Variants in HLCS observed in about 807,000 individuals in gnomAD.
HLCS encodes holocarboxylase synthetase, also known as biotin--protein ligase.
In HLCS, 53 loss-of-function variants were observed where a neutral mutation model predicts 75.0. The ratio of observed to expected loss-of-function variants is 0.71; its 90% CI spans 0.57 to 0.89. HLCS has a LOEUF of 0.89. Ranked by LOEUF, HLCS falls within the 40% of genes least tolerant of loss-of-function variation. HLCS has a pLI of 0.00. For missense variants in HLCS, 966 were observed against 1,074.0 expected, an observed-to-expected ratio of 0.90 and a Z score of 1.41; for synonymous variants, 431 against 428.6, an observed-to-expected ratio of 1.01 and a Z score of -0.07.
At chr21:36,897,688 G>C (rs977172207) in intron 5 of HLCS, among the ~76,000 whole-genome samples, 5 of 152,174 alleles carry the variant, frequency 3.3e-5, no homozygotes, top group African/African-American at 1.2e-4. Flanking sequence ...TCTTCACAAA[G>C]GGAAAGTGGG....
At chr21:36,955,672 C>T (rs2067902429) in intron 2 of HLCS, among the ~76,000 whole-genome samples, 1 of 152,030 alleles carries the variant, frequency 6.6e-6, no homozygotes, top group African/African-American at 2.4e-5. Flanking sequence ...AAGAAGAAGG[C>T]TGTTATAAAT....
chr21:36,862,210 T>C (rs546579553), intron 6 of HLCS, among the ~76,000 whole-genome samples: 115 of 152,336 alleles, frequency 7.5e-4, no homozygotes, highest in African/African-American at 2.6e-3. Flanking sequence ...ACATTTGGGT[T>C]GTTCCCACCT....
At position 36,748,862 on chromosome 21, in the gene HLCS, A is replaced by G. The variant is rs1236758623; in HGVS notation, c.*5384T>C. 6.6e-6 allele frequency: 1 copy of G among 152,642 alleles called. No individual in the cohort carries two copies. The highest frequency in any genetic ancestry group is 1.5e-5 in the Non-Finnish European group (1 of 68,052). The allele number at this position is 152,642 out of a possible 1,614,324, so 9.5% of individuals were successfully genotyped here. On this transcript the variant is annotated 3_prime_UTR_variant, in exon 11 of 11. Transcript: ENST00000674895. ...TGCAAAAATATATATGTAGCCAGAC[A>G]GTTTATGAGAATGACCCTGTCAAGC...
chr21:36,912,304 A>G (rs1163470334), intron 5 of HLCS, among the ~76,000 whole-genome samples: 2 of 152,188 alleles, frequency 1.3e-5, no homozygotes, highest in East Asian at 1.9e-4. Context: ...AGCCAAAAAA[A>G]AAAAACAAGG....
chr21:36,800,157 C>A (rs1197108835), intron 6 of HLCS, among the ~76,000 whole-genome samples: 1 of 152,072 alleles, frequency 6.6e-6, no homozygotes, highest in Non-Finnish European at 1.5e-5. Flanking sequence ...CCAGCTTGAC[C>A]CCACCACTCC....
intron 6 of HLCS, chr21:36,804,139 C>G (rs1047439444): frequency 3.9e-5 from 6 of 152,540 alleles, no homozygotes; most frequent in Admixed American, 3.3e-4. Context: ...CTTCCCCGGC[C>G]TGCATCCAGC....
At chr21:36,856,652 G>A (rs987453420) in intron 6 of HLCS, among the ~76,000 whole-genome samples, 1 of 151,832 alleles carries the variant, frequency 6.6e-6, no homozygotes, top group Non-Finnish European at 1.5e-5. Flanking sequence ...AGGTAACACA[G>A]TCCCCCCAGC....
intron 1 of HLCS, among the ~76,000 whole-genome samples, chr21:36,989,881 A>G (rs2069312727): frequency 6.6e-6 from 1 of 151,914 alleles, no homozygotes. Flanking sequence ...AGCCGGGCCG[A>G]GCCAGCCCGG....
At chr21:36,915,607 C>T (rs985921622) in intron 5 of HLCS, among the ~76,000 whole-genome samples, 2 of 152,194 alleles carry the variant, frequency 1.3e-5, no homozygotes, top group African/African-American at 2.4e-5. Flanking sequence ...TAAGAAGCTC[C>T]GGCTCAGAAG....
chr21:36,920,643 C>A (rs1051064800), intron 5 of HLCS, among the ~76,000 whole-genome samples: 1 of 151,982 alleles, frequency 6.6e-6, no homozygotes, highest in South Asian at 2.1e-4. Context: ...AATGTATACA[C>A]CTACTATGTA....
intron 6 of HLCS, among the ~76,000 whole-genome samples, chr21:36,790,639 C>T (rs767807324): frequency 7.2e-5 from 11 of 152,186 alleles, no homozygotes; most frequent in Non-Finnish European, 1.5e-4. Context: ...GCTGCCTTTC[C>T]CACGATCTTA....
rs185399084 is a variant in HLCS, at chr21:36,762,383, C to T, written c.2122-2542G>A. 2.0e-4 allele frequency among the ~76,000 whole-genome samples: 31 copies of T among 151,824 alleles called. No homozygotes were observed. In the South Asian group the frequency reaches 6.3e-3, roughly 31 times the overall value. ...GGGGTGTGTGGGTGGAGGGAGGGTG[C>T]GGGGCCCGGGGGGACTTCATGGACA... On this transcript the variant is annotated intron_variant, in intron 8 of 10. Transcript: ENST00000674895.
intron 6 of HLCS, among the ~76,000 whole-genome samples, chr21:36,888,131 C>A (rs925434695): frequency 2.6e-5 from 4 of 152,018 alleles, no homozygotes; most frequent in African/African-American, 7.2e-5. Flanking sequence ...GAAATGTAGA[C>A]AAAGACCCCT....
chr21:36,971,005 AAG>A (rs66521663), upstream of HLCS, among the ~76,000 whole-genome samples: 42,681 of 141,692 alleles, frequency 0.3, 7,582 homozygotes, highest in South Asian at 0.49. Flanking sequence ...AAAAAAAAAA[AAG>A]AAAGAAAAGA....
At position 36,944,886 on chromosome 21, in the gene HLCS, G is replaced by C. The variant is rs181154224; in HGVS notation, c.331-5892C>G. On this transcript the variant is annotated intron_variant, in intron 2 of 10. Transcript: ENST00000674895. ...GCCTGTAATCCTAACACTTTGGGAG[G>C]CTGAGGCGGGTGGATCACGAGGTCA... Among the ~76,000 whole-genome samples, 426 of 152,224 alleles carry C rather than the reference G, an allele frequency of 2.8e-3. 4 individuals carry two copies. The highest frequency in any genetic ancestry group is 1.0e-2 in the African/African-American group (414 of 41,536).
chr21:36,776,103 T>C (rs1290676265), intron 6 of HLCS, among the ~76,000 whole-genome samples: 1 of 152,248 alleles, frequency 6.6e-6, no homozygotes, highest in East Asian at 1.9e-4. Flanking sequence ...GTAAGGTCTA[T>C]AATACTTTTT....
chr21:36,959,108 A>G (rs2068133988), intron 2 of HLCS, among the ~76,000 whole-genome samples: 1 of 152,150 alleles, frequency 6.6e-6, no homozygotes, highest in African/African-American at 2.4e-5. Flanking sequence ...ACAGCTGCGG[A>G]CCTGGGCATC....
rs902358188 is a variant in HLCS, at chr21:36,770,141, C to CTTTT, written c.1893-2860_1893-2857dup. ...AAAGCAGCATACAAAACTATAGATG[C>CTTTT]TTTTTTTTTTTTTTTTTTTTTTGAG... is the stretch of plus-strand genomic sequence containing the variant. On this transcript the variant is annotated intron_variant, in intron 6 of 10. Transcript: ENST00000674895. Among the ~76,000 whole-genome samples the CTTTT allele has an allele frequency of 1.0e-3, 106 of 103,606 alleles. 1 individual carries two copies. The highest frequency in any genetic ancestry group is 3.0e-3 in the African/African-American group (70 of 23,136). 68.0% of individuals were successfully genotyped at this position (103,606 alleles called of 152,430 possible).
intron 2 of HLCS, among the ~76,000 whole-genome samples, chr21:36,951,590 G>A (rs559377565): frequency 1.3e-5 from 2 of 152,154 alleles, no homozygotes; most frequent in East Asian, 3.9e-4. Context: ...TTACAAACAG[G>A]GAATGTCATC....
Sources: gnomAD v4.1 joint callset for allele counts (sites outside exome capture counted in the v4.1 genomes callset) on GRCh38, gnomAD v4.1.1 for gene constraint, MANE v1.5 for transcripts, NCBI Gene and HGNC (gene_info 2026-07-23, HGNC 2026-07-21) for gene names.